Variants in PDSS2 observed in about 807,000 individuals in gnomAD.
The protein encoded by PDSS2 is all trans-polyprenyl-diphosphate synthase PDSS2.
Under a neutral mutation model 44.5 loss-of-function variants are expected in PDSS2, and 31 were observed. That is an observed-to-expected ratio of 0.70 (90% CI 0.52 to 0.94). The LOEUF (loss-of-function observed/expected upper bound fraction) is 0.94. Among genes scored for constraint, PDSS2 ranks in the 40% least tolerant of loss-of-function variants. PDSS2 has a pLI of 0.00. For synonymous variants in PDSS2, 157 were observed against 180.3 expected, an observed-to-expected ratio of 0.87 and a Z score of 1.03; for missense variants, 452 against 482.2, an observed-to-expected ratio of 0.94 and a Z score of 0.59.
chr6:107,335,241 C>T (rs1165626201), intron 1 of PDSS2, among the ~76,000 whole-genome samples: 1 of 151,986 alleles, frequency 6.6e-6, no homozygotes, highest in Non-Finnish European at 1.5e-5. Context: ...CTGGGTCTCC[C>T]CGCTGTCTAT....
rs553593516 is a variant in PDSS2 at position 107,159,669 on chromosome 6, C to T, written c.1042-4892G>A. Among the ~76,000 whole-genome samples, 13 of 151,558 alleles carry T rather than the reference C, an allele frequency of 8.6e-5. No homozygotes were observed. The South Asian group carries it at 1.9e-3, about 22-fold the overall frequency. On this transcript the variant is annotated intron_variant, in intron 7 of 7. Coordinates refer to ENST00000369037, the MANE Select transcript of PDSS2 (RefSeq NM_020381.4). ...TCCTGACCTTGCGATCCACCCACCTCGGCCTCCCAAAGTGCTGGGATTACA... is the reference window on the plus strand; with the variant it reads ...TCCTGACCTTGCGATCCACCCACCTTGGCCTCCCAAAGTGCTGGGATTACA...
At chr6:107,384,493 T>C (rs1313422650) in intron 1 of PDSS2, among the ~76,000 whole-genome samples, 1 of 151,780 alleles carries the variant, frequency 6.6e-6, no homozygotes, top group African/African-American at 2.4e-5. Flanking sequence ...ATACAAAAAT[T>C]AGCAGGGCAT....
At chr6:107,443,002 C>T (rs1456651201) in intron 1 of PDSS2, among the ~76,000 whole-genome samples, 1 of 152,148 alleles carries the variant, frequency 6.6e-6, no homozygotes, top group Admixed American at 6.5e-5. Flanking sequence ...CAATTTATTG[C>T]ACTTTGTGTT....
intron 2 of PDSS2, among the ~76,000 whole-genome samples, chr6:107,309,990 T>C (rs893165135): frequency 6.6e-6 from 1 of 152,024 alleles, no homozygotes; most frequent in Non-Finnish European, 1.5e-5. Flanking sequence ...AAGATAAAAG[T>C]GTCAGCAAAT....
intron 3 of PDSS2, among the ~76,000 whole-genome samples, chr6:107,271,476 T>C (rs969118383): frequency 1.3e-5 from 2 of 152,230 alleles, no homozygotes; most frequent in African/African-American, 4.8e-5. Flanking sequence ...CCCAAACCTA[T>C]AATTTACTGT....
intron 1 of PDSS2, among the ~76,000 whole-genome samples, chr6:107,455,206 A>G (rs920962869): frequency 6.7e-6 from 1 of 148,618 alleles, no homozygotes; most frequent in Admixed American, 6.8e-5. Context: ...CATTAGTCTC[A>G]CAAACTTTCA....
At chr6:107,283,905 C>T (rs1248512305) in intron 2 of PDSS2, among the ~76,000 whole-genome samples, 1 of 151,178 alleles carries the variant, frequency 6.6e-6, no homozygotes, top group Non-Finnish European at 1.5e-5. Flanking sequence ...CATGGTGGCT[C>T]ATGCCTCTGA....
chr6:107,155,417 G>T (rs1421180669), intron 7 of PDSS2, among the ~76,000 whole-genome samples: 1 of 151,802 alleles, frequency 6.6e-6, no homozygotes, highest in African/African-American at 2.4e-5. Flanking sequence ...AAAGTGCTGG[G>T]ATTACAGGTG....
chr6:107,387,251 C>T (rs1020588560), intron 1 of PDSS2, among the ~76,000 whole-genome samples: 2 of 152,214 alleles, frequency 1.3e-5, no homozygotes, highest in African/African-American at 4.8e-5. Flanking sequence ...GATGAGATGA[C>T]AGGCCTGCAG....
chr6:107,448,679 C>T (rs573228842), intron 1 of PDSS2, among the ~76,000 whole-genome samples: 3 of 152,314 alleles, frequency 2.0e-5, no homozygotes, highest in East Asian at 1.9e-4. Context: ...GCTGCAAAGT[C>T]GCTTCCACAT....
chr6:107,172,824 C>T (rs1771629619), intron 7 of PDSS2, among the ~76,000 whole-genome samples: 1 of 149,442 alleles, frequency 6.7e-6, no homozygotes, highest in Non-Finnish European at 1.5e-5. Context: ...TGGCTGGTAG[C>T]TTCAGAAATA....
At chr6:107,441,301 C>A (rs1781502724) in intron 1 of PDSS2, among the ~76,000 whole-genome samples, 1 of 152,164 alleles carries the variant, frequency 6.6e-6, no homozygotes, top group African/African-American at 2.4e-5. Flanking sequence ...CACAGTCACA[C>A]CCAGCAGTAA....
In PDSS2 at chr6:107,225,798, T is replaced by G. The variant is rs182921080; in HGVS notation, c.703-13516A>C. 2.8e-3 allele frequency among the ~76,000 whole-genome samples: 421 copies of G among 152,342 alleles called. 3 individuals carry two copies. The highest frequency in any genetic ancestry group is 9.1e-3 in the African/African-American group (377 of 41,588). On this transcript the variant is annotated intron_variant, in intron 4 of 7. Coordinates refer to ENST00000369037, the MANE Select transcript of PDSS2 (RefSeq NM_020381.4). ...TCACTTTTCAGATAAAAAGTGACAC[T>G]TCATTTAAACTTGGGAAGACATTTC...
chr6:107,444,098 G>A (rs1340450004), intron 1 of PDSS2, among the ~76,000 whole-genome samples: 8 of 152,004 alleles, frequency 5.3e-5, no homozygotes, highest in East Asian at 3.9e-4. Flanking sequence ...GAACAATCAC[G>A]GCTCACTGCA....
chr6:107,421,018 T>C (rs1159404722), intron 1 of PDSS2, among the ~76,000 whole-genome samples: 1 of 152,128 alleles, frequency 6.6e-6, no homozygotes, highest in African/African-American at 2.4e-5. Context: ...ACAGTCTATT[T>C]GAAAATAGGC....
chr6:107,326,606 C>G (rs1454166786), intron 2 of PDSS2, among the ~76,000 whole-genome samples: 1 of 151,828 alleles, frequency 6.6e-6, no homozygotes, highest in African/African-American at 2.4e-5. Flanking sequence ...AATCCCAGCA[C>G]TTTGGGAGGC....
intron 1 of PDSS2, among the ~76,000 whole-genome samples, chr6:107,347,784 C>A (rs545020614): frequency 6.6e-6 from 1 of 152,102 alleles, no homozygotes; most frequent in African/African-American, 2.4e-5. Flanking sequence ...AACCTAACAA[C>A]CTATAGATTT....
At chr6:107,335,769 T>G (rs1484724120) in intron 1 of PDSS2, among the ~76,000 whole-genome samples, 2 of 152,080 alleles carry the variant, frequency 1.3e-5, no homozygotes, top group Non-Finnish European at 1.5e-5. Context: ...TTGAGAACAA[T>G]GCTCATGAGC....
chr6:107,233,908 T>C (rs978197213), intron 4 of PDSS2, among the ~76,000 whole-genome samples: 4 of 152,074 alleles, frequency 2.6e-5, no homozygotes, highest in African/African-American at 9.7e-5. Flanking sequence ...GGCACATGCC[T>C]GTAGTCCCAG....
Sources: gnomAD v4.1 joint callset for allele counts (sites outside exome capture counted in the v4.1 genomes callset) on GRCh38, gnomAD v4.1.1 for gene constraint, MANE v1.5 for transcripts, NCBI Gene and HGNC (gene_info 2026-07-23, HGNC 2026-07-21) for gene names.